MTUS2: variants seen among roughly 807,000 people sequenced by gnomAD.
MTUS2 encodes the protein microtubule-associated tumor suppressor candidate 2.
In MTUS2, 40 loss-of-function variants were observed where a neutral mutation model predicts 114.1. That is an observed-to-expected ratio of 0.35 (90% CI 0.27 to 0.46). The LOEUF (loss-of-function observed/expected upper bound fraction) is 0.46, where lower values mean the gene tolerates loss of function less well. Among genes scored for constraint, MTUS2 ranks in the 20% least tolerant of loss-of-function variants. The probability of loss-of-function intolerance (pLI) is 1.00; values close to 1 mark genes in which losing one functional copy is unlikely to be tolerated. For synonymous variants in MTUS2, 688 were observed against 672.0 expected (o/e 1.02, Z -0.37); for missense variants, 1,679 against 1,705.4 (o/e 0.98, Z 0.27).
intron 2 of MTUS2, among the ~76,000 whole-genome samples, chr13:28,994,380 A>G (rs980266568): frequency 3.9e-5 from 6 of 152,186 alleles, no homozygotes; most frequent in African/African-American, 1.4e-4. Flanking sequence ...ATGCGTCTTT[A>G]TAGCAGCATG....
chr13:28,936,297 A>C (rs1331599584), intron 2 of MTUS2, among the ~76,000 whole-genome samples: 1 of 152,144 alleles, frequency 6.6e-6, no homozygotes, highest in Non-Finnish European at 1.5e-5. Flanking sequence ...TTGGTTTATA[A>C]GTTTTCTTCC....
At chr13:28,827,068 C>T (rs1874317962) in intron 1 of MTUS2, among the ~76,000 whole-genome samples, 1 of 152,168 alleles carries the variant, frequency 6.6e-6, no homozygotes, top group Admixed American at 6.5e-5. Context: ...GGAAATGTTG[C>T]CACATATTAA....
intron 2 of MTUS2, among the ~76,000 whole-genome samples, chr13:28,912,068 A>G (rs1263017005): frequency 1.3e-5 from 2 of 151,708 alleles, no homozygotes; most frequent in African/African-American, 4.8e-5. Context: ...TTGTCATGAA[A>G]TCTTTGCCCA....
intron 8 of MTUS2, among the ~76,000 whole-genome samples, chr13:29,370,777 C>T (rs1871126273): frequency 6.6e-6 from 1 of 152,096 alleles, no homozygotes; most frequent in African/African-American, 2.4e-5. Context: ...TATATATTGT[C>T]CACCAAAATA....
At chr13:29,355,338 C>T (rs1342494124) in intron 7 of MTUS2, among the ~76,000 whole-genome samples, 1 of 152,116 alleles carries the variant, frequency 6.6e-6, no homozygotes, top group African/African-American at 2.4e-5. Flanking sequence ...AGCATGGATT[C>T]TATCTTCTCC....
At chr13:29,108,174 C>T (rs764452324) in intron 5 of MTUS2, among the ~76,000 whole-genome samples, 5 of 152,324 alleles carry the variant, frequency 3.3e-5, no homozygotes, top group Admixed American at 1.3e-4. Context: ...TAACCCATCT[C>T]ATGTTCATCG....
Position 28,968,577 on chromosome 13 carries a change from A to G in MTUS2, c.-242-55880A>G, listed in dbSNP as rs1221146523. The stretch of plus-strand genomic sequence containing the variant: ...CTTAACAGGTTAGAACTTGGACTGG[A>G]TGAGATACTTTTCTTGTTCAATTTT... On this transcript the variant is annotated intron_variant, in intron 2 of 15. Transcript: ENST00000612955. 2.0e-5 allele frequency among the ~76,000 whole-genome samples: 3 copies of G among 152,334 alleles called. No individual in the cohort carries two copies. In the East Asian group the frequency reaches 5.8e-4, roughly 29 times the overall value.
chr13:29,247,664 A>G (rs1447374780), intron 5 of MTUS2, among the ~76,000 whole-genome samples: 2 of 152,176 alleles, frequency 1.3e-5, no homozygotes, highest in African/African-American at 4.8e-5. Flanking sequence ...CATCATCACT[A>G]ATTATCAGGG....
intron 8 of MTUS2, among the ~76,000 whole-genome samples, chr13:29,406,127 AGCC>A: frequency 2.0e-5 from 3 of 152,222 alleles, no homozygotes; most frequent in Admixed American, 1.3e-4. Context: ...ATAGAGGCAT[AGCC>A]TGCTGTGCAC....
In MTUS2 at chr13:29,237,788, C is replaced by T. The variant is rs559732256; in HGVS notation, c.2645-43916C>T. ...CATTTGTCAAAAGAAGACATACAAA[C>T]GGCCAACAAGTATATGAAAGTGTGC... On this transcript the variant is annotated intron_variant, in intron 5 of 15. Coordinates refer to ENST00000612955, the MANE Select transcript of MTUS2 (RefSeq NM_001033602.4). 5.9e-5 allele frequency among the ~76,000 whole-genome samples: 9 copies of T among 152,204 alleles called. No homozygotes were observed. The South Asian group carries it at 6.2e-4, about 11-fold the overall frequency.
intron 2 of MTUS2, among the ~76,000 whole-genome samples, chr13:28,925,365 G>C (rs1011915642): frequency 6.6e-6 from 1 of 152,114 alleles, no homozygotes; most frequent in African/African-American, 2.4e-5. Flanking sequence ...TTTTCATTGA[G>C]TACATGAAAA....
intron 9 of MTUS2, among the ~76,000 whole-genome samples, chr13:29,467,602 T>A (rs1566217616): frequency 6.6e-6 from 1 of 152,106 alleles, no homozygotes; most frequent in Non-Finnish European, 1.5e-5. Flanking sequence ...TGGGCAGTAG[T>A]GTTATTAGTT....
intron 6 of MTUS2, among the ~76,000 whole-genome samples, chr13:29,289,157 A>G (rs1037818330): frequency 6.6e-6 from 1 of 152,242 alleles, no homozygotes; most frequent in Non-Finnish European, 1.5e-5. Context: ...TAATTGAAGC[A>G]TGTGATATAA....
intron 2 of MTUS2, among the ~76,000 whole-genome samples, chr13:28,851,994 G>T (rs984221475): frequency 5.3e-5 from 8 of 152,036 alleles, no homozygotes; most frequent in African/African-American, 1.9e-4. Flanking sequence ...ATCACACCGG[G>T]ACTTGAACCC....
intron 2 of MTUS2, among the ~76,000 whole-genome samples, chr13:28,850,106 C>T (rs57743784): frequency 0.1 from 15,902 of 151,956 alleles, 1,654 homozygotes; most frequent in African/African-American, 0.27. Context: ...ACTGGATGGA[C>T]GCCTGTCACA....
At chr13:29,357,864 A>G (rs936594748) in intron 7 of MTUS2, among the ~76,000 whole-genome samples, 2 of 152,240 alleles carry the variant, frequency 1.3e-5, no homozygotes, top group African/African-American at 2.4e-5. Context: ...TAAAATTAGC[A>G]TGGTTACCCT....
chr13:28,975,857 G>A lies in MTUS2; in HGVS notation c.-242-48600G>A, dbSNP rs574449341. 6.6e-5 allele frequency among the ~76,000 whole-genome samples: 10 copies of A among 152,122 alleles called. No individual in the cohort carries two copies. In the East Asian group the frequency reaches 1.7e-3, roughly 26 times the overall value. ...AACATTTATGACCTACTGTATTTCC[G>A]TTATAAAGATGAGCAATGCAGGATT... On this transcript the variant is annotated intron_variant, in intron 2 of 15. Coordinates refer to ENST00000612955, the MANE Select transcript of MTUS2 (RefSeq NM_001033602.4).
At chr13:29,464,625 G>C (rs1879756181) in intron 9 of MTUS2, among the ~76,000 whole-genome samples, 2 of 152,194 alleles carry the variant, frequency 1.3e-5, no homozygotes, top group African/African-American at 4.8e-5. Flanking sequence ...TAGGGCAGCA[G>C]CGTTACTATA....
chr13:29,460,895 TAA>T (rs778237549), intron 9 of MTUS2, among the ~76,000 whole-genome samples: 2,770 of 138,406 alleles, frequency 0.02, 73 homozygotes, highest in African/African-American at 0.067. Context: ...GTCAACAATC[TAA>T]AAAAAAAAAA....
Sources: gnomAD v4.1 joint callset for allele counts (sites outside exome capture counted in the v4.1 genomes callset) on GRCh38, gnomAD v4.1.1 for gene constraint, MANE v1.5 for transcripts, NCBI Gene and HGNC (gene_info 2026-07-23, HGNC 2026-07-21) for gene names.